MPRIP: variants seen among roughly 807,000 people sequenced by gnomAD.
The protein encoded by MPRIP is myosin phosphatase Rho-interacting protein.
MPRIP carries 59 observed loss-of-function variants against 234.9 expected under a neutral mutation model. The observed-to-expected ratio is 0.25, with a 90% CI of 0.20 to 0.31. MPRIP has a LOEUF of 0.31. Ranked by LOEUF, MPRIP falls within the 10% of genes least tolerant of loss-of-function variation. MPRIP has a pLI of 1.00. For missense variants in MPRIP, 2,436 were observed against 3,071.0 expected, an observed-to-expected ratio of 0.79 and a Z score of 4.89; for synonymous variants, 1,144 against 1,263.9, an observed-to-expected ratio of 0.91 and a Z score of 2.01.
chr17:17,167,081 C>T lies in MPRIP; in HGVS notation c.5490C>T (p.Gly1830=). The stretch of plus-strand genomic sequence containing the variant: ...TCTCGTATAACACTTGTTTGGGAGG[C>T]CTCGGTCAGTATTCTTCATTGTTGG... ...QSLSYNTCLG[G]LGQYSSLLVQ... is the part of the protein sequence containing the mutation. The change falls in exon 16 of 24, where the codon GGC becomes GGT. Residue 1830 remains glycine, a synonymous_variant. Transcript: ENST00000651222. The surrounding 1 kb of genome is among the most constrained non-coding windows in gnomAD (Gnocchi z 5.9). 2 of 1,304,258 alleles carry T rather than the reference C, an allele frequency of 1.5e-6. No homozygotes were observed. Among genetic ancestry groups the T allele is most frequent in the Non-Finnish European group, 2.0e-6 (2 of 988,952 alleles). 80.8% of individuals were successfully genotyped at this position (1,304,258 alleles called of 1,614,324 possible).
At chr17:17,132,995 C>T (rs917982839) in intron 5 of MPRIP, among the ~76,000 whole-genome samples, 10 of 152,236 alleles carry the variant, frequency 6.6e-5, no homozygotes, top group Non-Finnish European at 8.8e-5. Context: ...AGTGCAGAAG[C>T]GGAGCTCCTG....
rs554307951 is a variant in MPRIP, at chr17:17,188,154, C to T, written c.*3260C>T. The T allele has an allele frequency of 1.2e-4, 19 of 152,324 alleles. No homozygotes were observed. Among genetic ancestry groups the T allele is most frequent in the South Asian group, 8.3e-4 (4 of 4,824 alleles). 9.4% of individuals were successfully genotyped at this position (152,324 alleles called of 1,614,324 possible). On this transcript the variant is annotated 3_prime_UTR_variant, in exon 24 of 24. Transcript: ENST00000651222. ...GTGTGGAGACCAGCATTTCAGAGGACGCGCTGTCCACAGCCTCCCGGGTCT... is the reference window on the plus strand; with the variant it reads ...GTGTGGAGACCAGCATTTCAGAGGATGCGCTGTCCACAGCCTCCCGGGTCT...
At chr17:17,115,860 T>C (rs908253932) in intron 3 of MPRIP, among the ~76,000 whole-genome samples, 2 of 152,170 alleles carry the variant, frequency 1.3e-5, no homozygotes, top group Non-Finnish European at 2.9e-5. Flanking sequence ...TAGGTGCTGA[T>C]CATGCAAAGG....
intron 3 of MPRIP, among the ~76,000 whole-genome samples, chr17:17,079,339 G>A (rs1051722997): frequency 3.0e-4 from 45 of 152,164 alleles, no homozygotes; most frequent in African/African-American, 1.0e-3. Context: ...TTTTGCTATG[G>A]GAACGTCTGT....
At chr17:17,152,683 G>A (rs1441800532) in intron 12 of MPRIP, among the ~76,000 whole-genome samples, 1 of 152,228 alleles carries the variant, frequency 6.6e-6, no homozygotes, top group African/African-American at 2.4e-5. Context: ...GTTGGCGCTG[G>A]TCCAGCCTTT....
intron 3 of MPRIP, among the ~76,000 whole-genome samples, chr17:17,121,286 CA>C (rs2090383478): frequency 6.6e-6 from 1 of 152,252 alleles, no homozygotes; most frequent in Non-Finnish European, 1.5e-5. Flanking sequence ...TAAACCTGTA[CA>C]GCATATACTG....
intron 3 of MPRIP, among the ~76,000 whole-genome samples, chr17:17,116,465 G>A (rs1317159452): frequency 3.3e-5 from 5 of 152,250 alleles, no homozygotes; most frequent in Non-Finnish European, 4.4e-5. Flanking sequence ...CAGTTGAGTT[G>A]TGGGTTGGCT....
intron 7 of MPRIP, among the ~76,000 whole-genome samples, chr17:17,140,134 G>C (rs1383806449): frequency 6.6e-6 from 1 of 152,218 alleles, no homozygotes; most frequent in African/African-American, 2.4e-5. Flanking sequence ...CAGTGGGTGG[G>C]CAGGGGAGGC....
chr17:17,164,100 T>G lies in MPRIP; in HGVS notation c.2518-9T>G. 5 of 1,303,866 alleles carry G rather than the reference T, an allele frequency of 3.8e-6. No homozygotes were observed. The highest frequency in any genetic ancestry group is 5.1e-6 in the Non-Finnish European group (5 of 988,848). The allele number at this position is 1,303,866 out of a possible 1,614,324, so 80.8% of individuals were successfully genotyped here. On this transcript the variant is annotated splice_polypyrimidine_tract_variant and intron_variant, in intron 15 of 23. Coordinates refer to ENST00000651222, the MANE Select transcript of MPRIP (RefSeq NM_001364716.4). ...TGTTACTAACCAGTATTTAATCGGTTTTTTTAAGACTGAAGTGGCCGCCTC... is the reference window on the plus strand; with the variant it reads ...TGTTACTAACCAGTATTTAATCGGTGTTTTTAAGACTGAAGTGGCCGCCTC...
At chr17:17,108,445 C>A (rs559723503) in intron 3 of MPRIP, among the ~76,000 whole-genome samples, 1 of 152,360 alleles carries the variant, frequency 6.6e-6, no homozygotes, top group South Asian at 2.1e-4. Flanking sequence ...ATTAGAATCA[C>A]TAGAGAAGCT....
intron 13 of MPRIP, among the ~76,000 whole-genome samples, chr17:17,157,828 C>CAA (rs753322247): frequency 6.0e-5 from 7 of 117,354 alleles, no homozygotes; most frequent in Admixed American, 8.7e-5. Context: ...AACTCCATCT[C>CAA]AAAAAAAAAA....
In MPRIP at chr17:17,136,350, C is replaced by T. The variant is rs1597866519; in HGVS notation, c.636C>T (p.Asp212=). 1.9e-6 allele frequency: 3 copies of T among 1,612,212 alleles called. No individual in the cohort carries two copies. The highest frequency in any genetic ancestry group is 4.5e-5 in the East Asian group (2 of 44,724). The change falls in exon 6 of 24, where the codon GAC becomes GAT. Residue 212 remains aspartate, a synonymous_variant. Coordinates refer to ENST00000651222, the MANE Select transcript of MPRIP (RefSeq NM_001364716.4). ...GGCAGGAAGAAATGAGGACCAAGGA[C>T]CAGCCAGATGGCAGCAGCCTGAGTC... ...TLWQEEMRTK[D]QPDGSSLSPA...
Position 17,136,275 on chromosome 17 carries a change from C to T in MPRIP, c.561C>T (p.Ser187=). 1 of 1,613,830 alleles carries T rather than the reference C, an allele frequency of 6.2e-7. No homozygotes were observed. The highest frequency in any genetic ancestry group is 8.5e-7 in the Non-Finnish European group (1 of 1,179,802). Residue 187 remains serine, a synonymous_variant, in exon 6 of 24, where the codon AGC becomes AGT. Coordinates refer to ENST00000651222, the MANE Select transcript of MPRIP (RefSeq NM_001364716.4). ...VTSSSSSSSS[S]SSIPSAEKVP... ...GCAGCAGCAGCAGCAGCAGCAGCAG[C>T]AGCAGCATCCCCAGTGCTGAGAAAG...
chr17:17,105,354 A>G (rs1347844541), intron 3 of MPRIP, among the ~76,000 whole-genome samples: 1 of 152,166 alleles, frequency 6.6e-6, no homozygotes, highest in Non-Finnish European at 1.5e-5. Context: ...AGGGTTGCCC[A>G]TTGCTATTGT....
At chr17:17,083,314 T>C (rs546933792) in intron 3 of MPRIP, among the ~76,000 whole-genome samples, 2 of 152,320 alleles carry the variant, frequency 1.3e-5, no homozygotes, top group Non-Finnish European at 1.5e-5. Context: ...TGTGTACTTG[T>C]GTATAAAGTA....
At chr17:17,129,107 G>A (rs1050939773) in intron 4 of MPRIP, among the ~76,000 whole-genome samples, 13 of 152,152 alleles carry the variant, frequency 8.5e-5, no homozygotes, top group Admixed American at 2.6e-4. Flanking sequence ...GTCTCTCCTG[G>A]GCCTGGGTAG....
intron 6 of MPRIP, among the ~76,000 whole-genome samples, chr17:17,137,251 C>T (rs964853765): frequency 2.0e-5 from 3 of 152,172 alleles, no homozygotes; most frequent in Admixed American, 6.5e-5. Flanking sequence ...TGGTGGCTCA[C>T]GCCTATAATC....
chr17:17,057,738 C>A lies in MPRIP; in HGVS notation c.123+14767C>A, dbSNP rs112069931. ...AAGAGGAATGGCATCAGCTATGAGA[C>A]CACCCTGACCCCCACCCGCTGCCCC... On this transcript the variant is annotated intron_variant, in intron 1 of 23. Transcript: ENST00000651222. 1.7e-3 allele frequency: 1,205 copies of A among 716,692 alleles called. 11 individuals are homozygous for A. The African/African-American group carries it at 0.019, about 11-fold the overall frequency. The allele number at this position is 716,692 out of a possible 1,614,324, so 44.4% of individuals were successfully genotyped here. A position where few individuals can be genotyped will look rare whatever the true frequency, so the allele number is the denominator to read the frequency against.
intron 1 of MPRIP, among the ~76,000 whole-genome samples, chr17:17,056,522 TG>T (rs2088702343): frequency 6.6e-6 from 1 of 151,850 alleles, no homozygotes; most frequent in South Asian, 2.1e-4. Flanking sequence ...CAGTGGGAGT[TG>T]GGGGTAGTTT....
Sources: gnomAD v4.1 joint callset for allele counts (sites outside exome capture counted in the v4.1 genomes callset) on GRCh38, gnomAD v4.1.1 for gene constraint, Gnocchi (gnomAD v3.1) non-coding constraint, MANE v1.5 for transcripts, NCBI Gene and HGNC (gene_info 2026-07-23, HGNC 2026-07-21) for gene names.